TBC1D5: variants seen among roughly 807,000 people sequenced by gnomAD.
TBC1D5 encodes TBC1 domain family member 5.
In TBC1D5, 75 loss-of-function variants were observed where a neutral mutation model predicts 100.3. The ratio of observed to expected loss-of-function variants is 0.75; its 90% CI spans 0.62 to 0.91. The LOEUF is 0.91. Ranked by LOEUF, TBC1D5 falls within the 40% of genes least tolerant of loss-of-function variation. TBC1D5 has a pLI of 0.00. For synonymous variants in TBC1D5, 323 were observed against 325.6 expected, an observed-to-expected ratio of 0.99 and a Z score of 0.09; for missense variants, 910 against 942.4, an observed-to-expected ratio of 0.97 and a Z score of 0.45.
intron 3 of TBC1D5, among the ~76,000 whole-genome samples, chr3:17,505,112 A>G (rs2095830855): frequency 6.6e-6 from 1 of 152,254 alleles, no homozygotes; most frequent in Non-Finnish European, 1.5e-5. Context: ...TTTGAAACAG[A>G]TAGTATATTA....
intron 3 of TBC1D5, among the ~76,000 whole-genome samples, chr3:17,442,090 T>A (rs1399973470): frequency 6.6e-6 from 1 of 152,232 alleles, no homozygotes; most frequent in Non-Finnish European, 1.5e-5. Context: ...TTTCTTCTCC[T>A]TTATTTACCA....
chr3:17,234,353 T>C (rs79888325), intron 17 of TBC1D5, among the ~76,000 whole-genome samples: 39 of 151,998 alleles, frequency 2.6e-4, no homozygotes, highest in African/African-American at 9.2e-4. Context: ...CATTTACAAA[T>C]TGGACTTATA....
At chr3:17,364,168 G>C (rs1367691843) in intron 13 of TBC1D5, among the ~76,000 whole-genome samples, 1 of 152,014 alleles carries the variant, frequency 6.6e-6, no homozygotes, top group Non-Finnish European at 1.5e-5. Flanking sequence ...ATTATTTAGA[G>C]TTGTAATTGT....
At chr3:17,201,318 C>T (rs776754537) in intron 18 of TBC1D5, among the ~76,000 whole-genome samples, 2 of 152,144 alleles carry the variant, frequency 1.3e-5, no homozygotes, top group African/African-American at 4.8e-5. Flanking sequence ...GTGAACACAG[C>T]GTGAGCTCGG....
chr3:17,507,714 T>C (rs929917022), intron 3 of TBC1D5, among the ~76,000 whole-genome samples: 1 of 152,202 alleles, frequency 6.6e-6, no homozygotes, highest in South Asian at 2.1e-4. Flanking sequence ...GATACCTGCA[T>C]TCCACAAGTG....
chr3:17,185,252 CA>C (rs2068895256), intron 18 of TBC1D5, 44 bp from the exon 20 acceptor site: 1 of 1,530,804 alleles, frequency 6.5e-7, no homozygotes, highest in Non-Finnish European at 9.0e-7. Context: ...TAGAGATTGT[CA>C]AATAAAATCT....
intron 2 of TBC1D5, chr3:17,622,659 A>G (rs1388633297): frequency 6.6e-6 from 1 of 151,984 alleles, no homozygotes; most frequent in African/African-American, 2.4e-5. Flanking sequence ...CCAGGTTCTC[A>G]GGTCTTTTAA....
intron 13 of TBC1D5, among the ~76,000 whole-genome samples, chr3:17,311,364 T>G (rs2084012348): frequency 6.6e-6 from 1 of 152,068 alleles, no homozygotes; most frequent in Non-Finnish European, 1.5e-5. Context: ...TACTTAGTAA[T>G]TAAGATCTGC....
chr3:17,512,864 C>G (rs1364530643), intron 2 of TBC1D5, among the ~76,000 whole-genome samples: 1 of 152,144 alleles, frequency 6.6e-6, no homozygotes, highest in African/African-American at 2.4e-5. Flanking sequence ...GATATTTGTA[C>G]TGGTTTCACA....
upstream of TBC1D5, chr3:17,742,345 A>AG (rs953572232): frequency 4.6e-5 from 7 of 153,308 alleles, no homozygotes; most frequent in East Asian, 1.9e-4. Flanking sequence ...AGCGGCGCGA[A>AG]GGGGGGCGAA....
At chr3:17,269,343 G>A (rs2079145342) in intron 15 of TBC1D5, among the ~76,000 whole-genome samples, 1 of 152,248 alleles carries the variant, frequency 6.6e-6, no homozygotes, top group African/African-American at 2.4e-5. Context: ...TCCTCTGAGA[G>A]GGTTTCTGTT....
rs2096763140 is a variant in TBC1D5, at chr3:17,590,939, T to C, written c.-36+32910A>G. ...CAAATGGGCAAAAGACTAATTTGAA[T>C]CATAAAAACAGAGAATCGGGCCAGG... is the stretch of plus-strand genomic sequence containing the variant. On this transcript the variant is annotated intron_variant, in intron 2 of 21. Transcript: ENST00000253692. Among the ~76,000 whole-genome samples the C allele has an allele frequency of 1.3e-5, 2 of 151,812 alleles. 1 individual carries two copies. The highest frequency in any genetic ancestry group is 4.1e-4 in the South Asian group (2 of 4,822).
chr3:17,533,470 G>A (rs2096253205), intron 2 of TBC1D5, among the ~76,000 whole-genome samples: 1 of 152,058 alleles, frequency 6.6e-6, no homozygotes, highest in Admixed American at 6.5e-5. Context: ...AATGAGCTGG[G>A]GAAAGAAAAT....
chr3:17,456,826 G>GT (rs2095096846), intron 3 of TBC1D5, among the ~76,000 whole-genome samples: 1 of 152,138 alleles, frequency 6.6e-6, no homozygotes, highest in South Asian at 2.1e-4. Context: ...AAGGAACAAA[G>GT]TACGGATACA....
chr3:17,244,547 TTTTC>T (rs892518493), intron 16 of TBC1D5, among the ~76,000 whole-genome samples: 11 of 152,300 alleles, frequency 7.2e-5, no homozygotes, highest in African/African-American at 2.4e-4. Flanking sequence ...CATAGTCTCA[TTTTC>T]TTTCTATCAT....
intron 1 of TBC1D5, among the ~76,000 whole-genome samples, chr3:17,638,631 T>C (rs2064201509): frequency 6.6e-6 from 1 of 152,266 alleles, no homozygotes; most frequent in South Asian, 2.1e-4. Context: ...TGAATAAAAG[T>C]AGTACTGTTT....
chr3:17,332,649 G>A (rs890530709), intron 13 of TBC1D5, among the ~76,000 whole-genome samples: 2 of 151,102 alleles, frequency 1.3e-5, no homozygotes, highest in African/African-American at 4.9e-5. Flanking sequence ...AGATTGAGAA[G>A]AAACAGCCAG....
intron 8 of TBC1D5, among the ~76,000 whole-genome samples, 188 bp downstream of exon 8, chr3:17,402,993 T>C (rs1575719417): frequency 6.6e-6 from 1 of 152,212 alleles, no homozygotes; most frequent in Middle Eastern, 3.4e-3. Flanking sequence ...AAAGGGAACA[T>C]AGAAATGTGT....
chr3:17,327,079 CCAAT>C (rs777857085), intron 13 of TBC1D5, among the ~76,000 whole-genome samples: 4 of 152,292 alleles, frequency 2.6e-5, no homozygotes, highest in East Asian at 1.9e-4. Flanking sequence ...CCTTGATTAA[CCAAT>C]CATTCATTTA....
Sources: gnomAD v4.1 joint callset for allele counts (sites outside exome capture counted in the v4.1 genomes callset) on GRCh38, gnomAD v4.1.1 for gene constraint, MANE v1.5 for transcripts, NCBI Gene and HGNC (gene_info 2026-07-23, HGNC 2026-07-21) for gene names.